CENPW: variants seen among roughly 807,000 people sequenced by gnomAD.
CENPW encodes cancer-up-regulated gene 2 protein.
CENPW carries 3 observed loss-of-function variants against 11.1 expected under a neutral mutation model. The ratio of observed to expected loss-of-function variants is 0.27; its 90% CI spans 0.12 to 0.70. The LOEUF (loss-of-function observed/expected upper bound fraction) is 0.70. CENPW is among the 30% of genes least tolerant of loss of function. The probability of loss-of-function intolerance (pLI) is 0.77; values close to 1 mark genes in which losing one functional copy is unlikely to be tolerated. For synonymous variants in CENPW, 38 were observed against 42.0 expected, an observed-to-expected ratio of 0.91 and a Z score of 0.37; for missense variants, 100 against 105.6, an observed-to-expected ratio of 0.95 and a Z score of 0.23.
At chr6:126,455,159 C>A in the CENPW span, among the ~76,000 whole-genome samples, 4 of 151,422 alleles carry the variant, frequency 2.6e-5, no homozygotes, top group South Asian at 8.3e-4. Context: ...AAGCTGGTAC[C>A]ATTCCTATTG....
chr6:126,379,243 A>G, the CENPW span, among the ~76,000 whole-genome samples: 1 of 152,112 alleles, frequency 6.6e-6, no homozygotes, highest in East Asian at 1.9e-4. Context: ...AGTGCTTTAA[A>G]CTCACAGTGG....
the CENPW span, among the ~76,000 whole-genome samples, chr6:126,381,335 C>T: frequency 6.6e-6 from 1 of 152,136 alleles, no homozygotes; most frequent in African/African-American, 2.4e-5. Context: ...GAACCTTAGC[C>T]TTGGGCCTCA....
In CENPW at chr6:126,346,188, G is replaced by A; in HGVS notation, c.127-17G>A. 6.7e-7 allele frequency: 1 copy of A among 1,484,818 alleles called. No individual in the cohort carries two copies. 92.0% of individuals were successfully genotyped at this position (1,484,818 alleles called of 1,614,324 possible). A position where few individuals can be genotyped will look rare whatever the true frequency, so the allele number is the denominator to read the frequency against. Reference sequence around the variant, plus strand: ...GTATTTGAGCTTAAAAATCCACTTGGATTTTCTGTTTTAAAGGTCCATCTG... The same window carrying A: ...GTATTTGAGCTTAAAAATCCACTTGAATTTTCTGTTTTAAAGGTCCATCTG... On this transcript the variant is annotated splice_polypyrimidine_tract_variant and intron_variant, in intron 1 of 2. Coordinates refer to ENST00000368328, the MANE Select transcript of CENPW (RefSeq NM_001012507.4).
the CENPW span, among the ~76,000 whole-genome samples, chr6:126,461,192 T>C: frequency 4.6e-5 from 7 of 151,886 alleles, no homozygotes; most frequent in South Asian, 6.2e-4. Flanking sequence ...GGCGGGTCTT[T>C]CCCGTGCTGT....
the CENPW span, among the ~76,000 whole-genome samples, chr6:126,435,907 A>G: frequency 6.6e-6 from 1 of 151,888 alleles, no homozygotes; most frequent in Non-Finnish European, 1.5e-5. Flanking sequence ...TTGGAGAAAT[A>G]AATACTACAC....
At chr6:126,474,754 C>T in the CENPW span, among the ~76,000 whole-genome samples, 1 of 152,184 alleles carries the variant, frequency 6.6e-6, no homozygotes, top group East Asian at 1.9e-4. Flanking sequence ...ACACTCAACT[C>T]ACCTGTGATC....
chr6:126,460,345 T>G, the CENPW span, among the ~76,000 whole-genome samples: 1 of 151,770 alleles, frequency 6.6e-6, no homozygotes, highest in Non-Finnish European at 1.5e-5. Flanking sequence ...GCTCTCAATT[T>G]GATACTCAAA....
At chr6:126,428,827 A>G in the CENPW span, among the ~76,000 whole-genome samples, 12 of 152,184 alleles carry the variant, frequency 7.9e-5, no homozygotes, top group Non-Finnish European at 1.3e-4. Flanking sequence ...ACATAAAATC[A>G]TATGTGCTCA....
downstream of CENPW, among the ~76,000 whole-genome samples, chr6:126,351,151 T>A (rs1780486947): frequency 6.8e-6 from 1 of 146,882 alleles, no homozygotes; most frequent in Admixed American, 6.8e-5. Flanking sequence ...AGAGAGTGAG[T>A]GTGTGTGTGT....
chr6:126,372,007 T>G, the CENPW span, among the ~76,000 whole-genome samples: 1 of 151,926 alleles, frequency 6.6e-6, no homozygotes, highest in East Asian at 1.9e-4. Flanking sequence ...CAGTGGTCTA[T>G]CATTTTATTT....
chr6:126,461,239 G>A, the CENPW span, among the ~76,000 whole-genome samples: 1 of 150,722 alleles, frequency 6.6e-6, no homozygotes, highest in Non-Finnish European at 1.5e-5. Flanking sequence ...AGATCCGATT[G>A]TTCTAAAAAT....
the CENPW span, among the ~76,000 whole-genome samples, chr6:126,465,016 A>G: frequency 6.6e-6 from 1 of 152,118 alleles, no homozygotes; most frequent in Non-Finnish European, 1.5e-5. Flanking sequence ...AGTGAGTACA[A>G]TCAGGCGAGA....
chr6:126,365,759 T>A, the CENPW span, among the ~76,000 whole-genome samples: 2,224 of 152,346 alleles, frequency 0.015, 18 homozygotes, highest in Non-Finnish European at 0.02. Context: ...GCGATTTTTC[T>A]GTAACTGGTA....
chr6:126,397,131 A>C, the CENPW span, among the ~76,000 whole-genome samples: 2 of 152,216 alleles, frequency 1.3e-5, no homozygotes, highest in Middle Eastern at 3.4e-3. Flanking sequence ...TTGCCCAGAC[A>C]TTGCAGTCCT....
chr6:126,447,307 C>CA, the CENPW span, among the ~76,000 whole-genome samples: 1 of 151,088 alleles, frequency 6.6e-6, no homozygotes, highest in Non-Finnish European at 1.5e-5. Context: ...AATCCAAGCA[C>CA]AATTTGTGAA....
At chr6:126,482,410 T>G in the CENPW span, among the ~76,000 whole-genome samples, 1 of 152,106 alleles carries the variant, frequency 6.6e-6, no homozygotes, top group African/African-American at 2.4e-5. Flanking sequence ...GTAAGTGCTA[T>G]TTATATACTG....
chr6:126,468,308 T>G, the CENPW span, among the ~76,000 whole-genome samples: 1 of 148,396 alleles, frequency 6.7e-6, no homozygotes, highest in Non-Finnish European at 1.5e-5. Flanking sequence ...TAATCCCAGT[T>G]AACTGGGAAG....
chr6:126,474,065 G>A, the CENPW span, among the ~76,000 whole-genome samples: 1 of 149,268 alleles, frequency 6.7e-6, no homozygotes, highest in Admixed American at 6.7e-5. Context: ...GGCACAATGA[G>A]AGTAGAATAT....
chr6:126,429,030 CAT>C, the CENPW span, among the ~76,000 whole-genome samples: 12 of 152,052 alleles, frequency 7.9e-5, no homozygotes, highest in African/African-American at 2.2e-4. Flanking sequence ...ATGTTGAATA[CAT>C]GTTTCATTTT....
Sources: allele counts gnomAD v4.1 joint callset (sites outside exome capture counted in the v4.1 genomes callset), GRCh38; gene constraint gnomAD v4.1.1; transcripts MANE v1.5; gene names NCBI Gene and HGNC (gene_info 2026-07-23, HGNC 2026-07-21).